The following MKI67 variants were observed in gnomAD, a reference collection of about 807,000 sequenced individuals.
MKI67 encodes the protein marker of proliferation Ki-67.
Under a neutral mutation model 233.5 loss-of-function variants are expected in MKI67, and 152 were observed. The ratio of observed to expected loss-of-function variants is 0.65; its 90% CI spans 0.57 to 0.74. The LOEUF (loss-of-function observed/expected upper bound fraction) is 0.74. Among genes scored for constraint, MKI67 ranks in the 30% least tolerant of loss-of-function variants. The pLI is 0.00. For missense variants in MKI67, 3,940 were observed against 3,885.2 expected (o/e 1.01, Z -0.37); for synonymous variants, 1,465 against 1,418.5 (o/e 1.03, Z -0.74).
At position 128,102,782 on chromosome 10, in the gene MKI67, C is replaced by T; in HGVS notation, c.9058G>A (p.Glu3020Lys). Residue 3020 changes from glutamate to lysine, a missense_variant, in exon 13 of 15, where the codon GAA becomes AAA. Physicochemically the swap from Glu to Lys is moderately conservative, Grantham distance 56. Transcript: ENST00000368654. ...CTGGCTGGCAGCTCCTCCACAATTT[C>T]CTCTGGTGCTGGCATGCAGCGCAGC... ...KRLRCMPAPE[E>K]IVEELPASKK... 1 of 1,614,232 alleles carries T rather than the reference C, an allele frequency of 6.2e-7. No homozygotes were observed. Among genetic ancestry groups the T allele is most frequent in the Non-Finnish European group, 8.5e-7 (1 of 1,180,050 alleles).
intron 4 of MKI67, among the ~76,000 whole-genome samples, chr10:128,122,168 A>G (rs772763514): frequency 6.6e-6 from 1 of 152,162 alleles, no homozygotes; most frequent in African/African-American, 2.4e-5. Flanking sequence ...TGAAAAACAG[A>G]CATGCCCTTC....
chr10:128,121,710 AC>A (rs1333944993), intron 4 of MKI67, among the ~76,000 whole-genome samples: 5 of 151,022 alleles, frequency 3.3e-5, no homozygotes, highest in African/African-American at 1.2e-4. Flanking sequence ...AAACCTTGAC[AC>A]ATTTCAAAGA....
chr10:128,107,165 C>G lies in MKI67; in HGVS notation c.4675G>C (p.Val1559Leu). 6.2e-7 allele frequency: 1 copy of G among 1,613,946 alleles called. No individual in the cohort carries two copies. Among genetic ancestry groups the G allele is most frequent in the Non-Finnish European group, 8.5e-7 (1 of 1,179,988 alleles). Residue 1559 changes from valine to leucine, a missense_variant, in exon 13 of 15, where the codon GTG becomes CTG. By Grantham distance (32) the Val-to-Leu change is conservative (BLOSUM62 1). Transcript: ENST00000368654. Reference protein sequence around the residue: ...KNIYAFMGTPVQKLDLTENLT... With the variant: ...KNIYAFMGTPLQKLDLTENLT... Reference sequence around the variant, plus strand: ...TTCTCTGTCAGGTCCAGTTTCTGCACTGGAGTTCCCATAAATGCGTAGATG... The same window carrying G: ...TTCTCTGTCAGGTCCAGTTTCTGCAGTGGAGTTCCCATAAATGCGTAGATG...
At chr10:128,122,380 T>C (rs1347992858) in intron 4 of MKI67, among the ~76,000 whole-genome samples, 2 of 152,168 alleles carry the variant, frequency 1.3e-5, no homozygotes, top group African/African-American at 2.4e-5. Flanking sequence ...AAAGCCTTCA[T>C]TGCCTTTTTA....
At chr10:128,121,365 T>C (rs1334500913) in intron 4 of MKI67, among the ~76,000 whole-genome samples, 1 of 144,082 alleles carries the variant, frequency 6.9e-6, no homozygotes, top group East Asian at 1.9e-4. Context: ...TATATATGTA[T>C]ATATTATATA....
intron 4 of MKI67, among the ~76,000 whole-genome samples, chr10:128,120,063 T>C (rs1852900231): frequency 6.6e-6 from 1 of 152,142 alleles, no homozygotes; most frequent in African/African-American, 2.4e-5. Flanking sequence ...TGGTAGAGAG[T>C]TTGGAATCAA....
chr10:128,101,555 T>G lies in MKI67; in HGVS notation c.9408A>C (p.Pro3136=). Residue 3136 remains proline, a synonymous_variant, in exon 14 of 15, where the codon CCA becomes CCC. Transcript: ENST00000368654. The part of the protein sequence containing the change: ...KTSPEMDIQN[P]DDGARKPIPR... Reference sequence around the variant, plus strand: ...GTATGGGTTTCCGGGCTCCATCATCTGGATTCTGAATGTCCATCTCTGGGG... The same window carrying G: ...GTATGGGTTTCCGGGCTCCATCATCGGGATTCTGAATGTCCATCTCTGGGG... 1.2e-6 allele frequency: 2 copies of G among 1,614,274 alleles called. No individual in the cohort carries two copies. Among genetic ancestry groups the G allele is most frequent in the South Asian group, 1.1e-5 (1 of 91,086 alleles).
chr10:128,110,817 G>A lies in MKI67; in HGVS notation c.2261-284C>T, dbSNP rs147937669. The stretch of plus-strand genomic sequence containing the variant: ...GGGTCCTCCTAACAAGACCCCACAC[G>A]TGAGCTCTGGAGCACGGAGGCTGGT... On this transcript the variant is annotated intron_variant, in intron 11 of 14. Coordinates refer to ENST00000368654, the MANE Select transcript of MKI67 (RefSeq NM_002417.5). Among the ~76,000 whole-genome samples the A allele has an allele frequency of 1.1e-4, 17 of 152,320 alleles. No individual in the cohort carries two copies. The East Asian group carries it at 2.5e-3, about 22-fold the overall frequency.
At position 128,104,105 on chromosome 10, in the gene MKI67, C is replaced by T. The variant is rs1343590241; in HGVS notation, c.7735G>A (p.Asp2579Asn). The T allele has an allele frequency of 6.2e-7, 1 of 1,614,060 alleles. No homozygotes were observed. Among genetic ancestry groups the T allele is most frequent in the South Asian group, 1.1e-5 (1 of 91,074 alleles). Residue 2579 changes from aspartate to asparagine, a missense_variant, in exon 13 of 15, where the codon GAC (aspartate) becomes AAC (asparagine). Transcript: ENST00000368654. ...PGHTEESMTI[D>N]KNTKIPCKSP... ...TTGCAGGGAATTTTTGTGTTTTTGT[C>T]AATAGTCATTGACTCTTCAGTGTGA...
intron 8 of MKI67, 36 bp from the exon 9 acceptor site, chr10:128,112,481 A>T (rs757195346): frequency 6.3e-7 from 1 of 1,590,088 alleles, no homozygotes; most frequent in South Asian, 1.1e-5. Context: ...AAGCCTTAAC[A>T]AGGATCTAAC....
chr10:128,115,846 C>T lies in MKI67; in HGVS notation c.562G>A (p.Ala188Thr). 1 of 1,608,842 alleles carries T rather than the reference C, an allele frequency of 6.2e-7. No homozygotes were observed. The highest frequency in any genetic ancestry group is 8.5e-7 in the Non-Finnish European group (1 of 1,179,978). ...GTTNVHSSEHAGRNGRNAADP... is the reference protein window; with the variant it reads ...GTTNVHSSEHTGRNGRNAADP... ...GCTGCATTTCTGCCATTACGTCCAG[C>T]ATGTTCTGAGGAATGAACATTAGTT... Residue 188 changes from alanine to threonine, a missense_variant, in exon 7 of 15, where the codon GCT (alanine) becomes ACT (threonine). By Grantham distance (58) the Ala-to-Thr change is moderately conservative. Coordinates refer to ENST00000368654, the MANE Select transcript of MKI67 (RefSeq NM_002417.5).
rs1481434767 is a variant in MKI67 at position 128,103,044 on chromosome 10, C to T, written c.8796G>A (p.Glu2932=). Residue 2932 remains glutamate (E), a synonymous_variant, in exon 13 of 15, where the codon GAG becomes GAA. Transcript: ENST00000368654. ...TATCAGCAGCACCATTTGCCAGTTC[C>T]TCAGTGTGGCCTGGTGTTTGAGAGA... The part of the protein sequence containing the change: ...QELSQTPGHT[E]ELANGAADSF... The T allele has an allele frequency of 6.2e-7, 1 of 1,614,134 alleles. No homozygotes were observed. The highest frequency in any genetic ancestry group is 1.3e-5 in the African/African-American group (1 of 74,946).
Position 128,108,856 on chromosome 10 carries a change from G to C in MKI67, c.2984C>G (p.Pro995Arg). 6.2e-7 allele frequency: 1 copy of C among 1,614,142 alleles called. No individual in the cohort carries two copies. Among genetic ancestry groups the C allele is most frequent in the Non-Finnish European group, 8.5e-7 (1 of 1,180,036 alleles). The change falls in exon 13 of 15, where the codon CCA becomes CGA. Residue 995 changes from proline to arginine, a missense_variant. Physicochemically the swap from Pro to Arg is moderately radical, Grantham distance 103. Transcript: ENST00000368654. ...AGTGATTTTGCCTTTCTCACTCTTT[G>C]GTGCCTTGGCATGATCTTGGGTTTG... ...LLQTQDHAKAPKSEKGKITKM... is the reference protein window; with the variant it reads ...LLQTQDHAKARKSEKGKITKM...
In MKI67 at chr10:128,110,392, G is replaced by T. The variant is rs756995311; in HGVS notation, c.2402C>A (p.Thr801Asn). The T allele has an allele frequency of 6.4e-6, 10 of 1,567,210 alleles. No individual in the cohort carries two copies. Among genetic ancestry groups the T allele is most frequent in the African/African-American group, 1.3e-5 (1 of 74,366 alleles). ...TDSGEEPLLP[T>N]SESFGGNVFF... ...AGGAAACCAACCAAAACTCTCTGAG[G>T]TGGGGAGCAGAGGTTCTTCTCCTGA... Residue 801 changes from threonine (T) to asparagine (N), a missense_variant, in exon 12 of 15, where the codon ACC (threonine) becomes AAC (asparagine). Thr to Asn is a moderately conservative substitution (Grantham distance 65). Coordinates refer to ENST00000368654, the MANE Select transcript of MKI67 (RefSeq NM_002417.5).
rs149080288 is a variant in MKI67, at chr10:128,102,722, T to C, written c.9118A>G (p.Lys3040Glu). The C allele has an allele frequency of 6.1e-5, 98 of 1,614,216 alleles. No homozygotes were observed. In the East Asian group the frequency reaches 2.1e-3, roughly 35 times the overall value. ...ATGATGACCACGGGTTCGGATGATT[T>C]GCCTCTTGCCCTGGGAGCAACCCTC... Reference protein sequence around the residue: ...KQRVAPRARGKSSEPVVIMKR... With the variant: ...KQRVAPRARGESSEPVVIMKR... Residue 3040 changes from lysine (K) to glutamate (E), a missense_variant, in exon 13 of 15, where the codon AAA (lysine) becomes GAA (glutamate). Transcript: ENST00000368654.
Position 128,106,474 on chromosome 10 carries a change from A to T in MKI67, c.5366T>A (p.Val1789Glu). The change falls in exon 13 of 15, where the codon GTA becomes GAA. Residue 1789 changes from valine to glutamate, a missense_variant. By Grantham distance (121) the Val-to-Glu change is moderately radical. Coordinates refer to ENST00000368654, the MANE Select transcript of MKI67 (RefSeq NM_002417.5). Reference protein sequence around the residue: ...GKAMHTPKPAVGEEKDINTFL... With the variant: ...GKAMHTPKPAEGEEKDINTFL... ...CGTGTTGATGTCTTTCTCTTCACCT[A>T]CTGCTGGTTTGGGTGTGTGCATGGC... The T allele has an allele frequency of 1.2e-6, 2 of 1,612,904 alleles. No individual in the cohort carries two copies. The highest frequency in any genetic ancestry group is 8.5e-7 in the Non-Finnish European group (1 of 1,179,732).
Position 128,111,389 on chromosome 10 carries a change from C to G in MKI67, c.2260+256G>C. The G allele has an allele frequency of 1.0e-5, 4 of 389,852 alleles. No homozygotes were observed. The South Asian group carries it at 2.1e-4, about 21-fold the overall frequency. 24.1% of individuals were successfully genotyped at this position (389,852 alleles called of 1,614,324 possible). Reference sequence around the variant, plus strand: ...CAGCTTTCTATGTATACGCTGCTCTCCAGGGTAAAGACATGCATTTGACAT... The same window carrying G: ...CAGCTTTCTATGTATACGCTGCTCTGCAGGGTAAAGACATGCATTTGACAT... On this transcript the variant is annotated intron_variant, in intron 11 of 14. Coordinates refer to ENST00000368654, the MANE Select transcript of MKI67 (RefSeq NM_002417.5).
rs1006578045 is a variant in MKI67, at chr10:128,114,948, T to C, written c.1460A>G (p.Asn487Ser). The C allele has an allele frequency of 2.6e-6, 4 of 1,556,148 alleles. No homozygotes were observed. Reference sequence around the variant, plus strand: ...CTTACTAATGGAATCACCAAAGTTGTTGATATCAACTGAACTAAGACCAGG... The same window carrying C: ...CTTACTAATGGAATCACCAAAGTTGCTGATATCAACTGAACTAAGACCAGG... ...GLPGLSSVDI[N>S]NFGDSINESE... is the part of the protein sequence containing the mutation. The change falls in exon 7 of 15, where the codon AAC (asparagine) becomes AGC (serine). Residue 487 changes from asparagine (N) to serine (S), a missense_variant. By Grantham distance (46) the Asn-to-Ser change is conservative. Transcript: ENST00000368654.
chr10:128,113,742 A>G, intron 7 of MKI67, 140 bp from the exon 8 acceptor site: 1 of 740,456 alleles, frequency 1.4e-6, no homozygotes, highest in East Asian at 2.7e-5. Flanking sequence ...TATTCTTGCA[A>G]TCCTGGTGAA....
Sources: gnomAD v4.1 joint callset for allele counts (sites outside exome capture counted in the v4.1 genomes callset) on GRCh38, gnomAD v4.1.1 for gene constraint, MANE v1.5 for transcripts, NCBI Gene and HGNC (gene_info 2026-07-23, HGNC 2026-07-21) for gene names.